Variants in GALK2 observed in about 807,000 individuals in gnomAD.
GALK2 encodes galactokinase 2, also known as N-acetylgalactosamine kinase.
In GALK2, 36 loss-of-function variants were observed where a neutral mutation model predicts 52.4. That is an observed-to-expected ratio of 0.69 (90% CI 0.53 to 0.91). The LOEUF (loss-of-function observed/expected upper bound fraction) is 0.91. Among genes scored for constraint, GALK2 ranks in the 40% least tolerant of loss-of-function variants. The probability of loss-of-function intolerance (pLI) is 0.00; values close to 1 mark genes in which losing one functional copy is unlikely to be tolerated. For missense variants in GALK2, 579 were observed against 559.1 expected (o/e 1.04, Z -0.36); for synonymous variants, 176 against 199.1 (o/e 0.88, Z 0.98).
intron 8 of GALK2, among the ~76,000 whole-genome samples, chr15:49,313,654 A>G (rs1289051467): frequency 6.6e-6 from 1 of 152,236 alleles, no homozygotes; most frequent in East Asian, 1.9e-4. Flanking sequence ...CTTAATGCAG[A>G]GGTTCTACTT....
Position 49,217,232 on chromosome 15 carries a change from C to G in GALK2, c.185C>G (p.Ala62Gly), listed in dbSNP as rs761389243. The G allele has an allele frequency of 6.8e-6, 11 of 1,611,054 alleles. No homozygotes were observed. Among genetic ancestry groups the G allele is most frequent in the Admixed American group, 1.7e-5 (1 of 59,990 alleles). ...TGTGGATATTCTGTTCTTCCTATGGCTGTAGAACAAGATGTGCTAATAGCT... is the reference window on the plus strand; with the variant it reads ...TGTGGATATTCTGTTCTTCCTATGGGTGTAGAACAAGATGTGCTAATAGCT... ...DYCGYSVLPMAVEQDVLIAVE... is the reference protein window; with the variant it reads ...DYCGYSVLPMGVEQDVLIAVE... Residue 62 changes from alanine (A) to glycine (G), a missense_variant, in exon 3 of 10, where the codon GCT becomes GGT. Ala to Gly is a moderately conservative substitution (Grantham distance 60). Coordinates refer to ENST00000560031, the MANE Select transcript of GALK2 (RefSeq NM_002044.4).
At chr15:49,230,954 T>C (rs1164639253) in intron 3 of GALK2, among the ~76,000 whole-genome samples, 2 of 151,980 alleles carry the variant, frequency 1.3e-5, no homozygotes, top group Admixed American at 1.3e-4. Context: ...AGAGGTGAGA[T>C]AGGGATGTGG....
chr15:49,328,884 GAGCT>G lies in GALK2; in HGVS notation c.*727_*730del. On this transcript the variant is annotated 3_prime_UTR_variant, in exon 10 of 10. Coordinates refer to ENST00000560031, the MANE Select transcript of GALK2 (RefSeq NM_002044.4). ...AACCACTTTCAATTCTTTTGGCCCT[GAGCT>G]ATCTCCATTACTTAATAGAAAAACT... 7.6e-7 allele frequency: 1 copy of G among 1,307,536 alleles called. No individual in the cohort carries two copies. The highest frequency in any genetic ancestry group is 1.5e-5 in the African/African-American group (1 of 67,736). 81.0% of individuals were successfully genotyped at this position (1,307,536 alleles called of 1,614,324 possible).
chr15:49,346,045 TTTG>T (rs1222844672), intron 3 of GALK2, among the ~76,000 whole-genome samples: 1 of 124,578 alleles, frequency 8.0e-6, no homozygotes, highest in East Asian at 2.1e-4. Context: ...GTCACTTGCT[TTTG>T]TTATTTTTTT....
At chr15:49,213,680 C>T (rs188254981) in intron 2 of GALK2, among the ~76,000 whole-genome samples, 124 of 152,050 alleles carry the variant, frequency 8.2e-4, no homozygotes, top group African/African-American at 2.6e-3. Context: ...CATTTATATT[C>T]GATGTTATAG....
intron 3 of GALK2, among the ~76,000 whole-genome samples, chr15:49,338,959 C>G (rs1021754177): frequency 3.3e-5 from 5 of 152,270 alleles, no homozygotes; most frequent in African/African-American, 1.2e-4. Flanking sequence ...AGTTCTCATG[C>G]TGTGTTTTTC....
chr15:49,321,125 A>C (rs4774538), intron 9 of GALK2, among the ~76,000 whole-genome samples: 38,233 of 152,186 alleles, frequency 0.25, 5,972 homozygotes, highest in Non-Finnish European at 0.35. Context: ...ATGAGAAGGA[A>C]TAGAGACTAC....
intron 3 of GALK2, chr15:49,367,455 G>A (rs1426105666): frequency 6.3e-7 from 1 of 1,577,164 alleles, no homozygotes. Flanking sequence ...TATGGTTCCT[G>A]GAATATCTTA....
chr15:49,204,398 C>A (rs1245166028), intron 2 of GALK2, among the ~76,000 whole-genome samples: 1 of 151,416 alleles, frequency 6.6e-6, no homozygotes, highest in Non-Finnish European at 1.5e-5. Flanking sequence ...TGGTATCATA[C>A]GAGGAATTGC....
At chr15:49,189,534 A>G (rs2086582931) in intron 1 of GALK2, among the ~76,000 whole-genome samples, 1 of 152,184 alleles carries the variant, frequency 6.6e-6, no homozygotes. Context: ...TAAATTAGGC[A>G]TAGCAAGAGA....
chr15:49,204,487 T>C (rs990095066), intron 2 of GALK2, among the ~76,000 whole-genome samples: 4 of 152,094 alleles, frequency 2.6e-5, no homozygotes, highest in African/African-American at 9.7e-5. Context: ...TCCCACTTTT[T>C]TGTATCCTCT....
intron 9 of GALK2, among the ~76,000 whole-genome samples, chr15:49,325,527 A>C (rs544294689): frequency 4.5e-4 from 68 of 152,326 alleles, no homozygotes; most frequent in African/African-American, 1.5e-3. Flanking sequence ...GTCTTCTCAG[A>C]ATTTCTATGG....
chr15:49,268,046 G>T (rs978086837), intron 5 of GALK2, among the ~76,000 whole-genome samples: 2 of 152,232 alleles, frequency 1.3e-5, no homozygotes, highest in Admixed American at 1.3e-4. Flanking sequence ...AATATGGTGG[G>T]TTAGCAGGGA....
chr15:49,160,472 A>AT (rs2084613139), intron 1 of GALK2, among the ~76,000 whole-genome samples: 1 of 152,068 alleles, frequency 6.6e-6, no homozygotes, highest in Non-Finnish European at 1.5e-5. Flanking sequence ...CTATACTTGT[A>AT]ACTTTACAAC....
In GALK2 at chr15:49,331,675, C is replaced by T; in HGVS notation, c.*3516C>T. ...AACAAGAATGTATCCTCTCCTGCCACTGTAATTTGGGTGTGCCACCATACA... is the reference window on the plus strand; with the variant it reads ...AACAAGAATGTATCCTCTCCTGCCATTGTAATTTGGGTGTGCCACCATACA... On this transcript the variant is annotated 3_prime_UTR_variant, in exon 10 of 10. Coordinates refer to ENST00000560031, the MANE Select transcript of GALK2 (RefSeq NM_002044.4). 2 of 711,498 alleles carry T rather than the reference C, an allele frequency of 2.8e-6. No individual in the cohort carries two copies. Among genetic ancestry groups the T allele is most frequent in the Non-Finnish European group, 5.1e-6 (2 of 394,532 alleles). 44.1% of individuals were successfully genotyped at this position (711,498 alleles called of 1,614,324 possible).
At chr15:49,211,300 GT>G (rs1377047085) in intron 2 of GALK2, among the ~76,000 whole-genome samples, 9 of 152,120 alleles carry the variant, frequency 5.9e-5, no homozygotes, top group Non-Finnish European at 1.2e-4. Context: ...TTCTCAAAAA[GT>G]TTTGTATTTT....
chr15:49,295,685 C>T (rs2034413197), intron 8 of GALK2, among the ~76,000 whole-genome samples: 1 of 152,164 alleles, frequency 6.6e-6, no homozygotes, highest in South Asian at 2.1e-4. Context: ...CTTGGTTGGA[C>T]CATTCCACTT....
At chr15:49,336,592 T>C (rs1186153502), downstream of GALK2, among the ~76,000 whole-genome samples, 2 of 152,246 alleles carry the variant, frequency 1.3e-5, no homozygotes, top group African/African-American at 4.8e-5. Flanking sequence ...AAACTTTATT[T>C]TCCATTTCAA....
intron 1 of GALK2, chr15:49,158,968 G>A (rs1485641338): frequency 6.6e-6 from 1 of 152,148 alleles, no homozygotes; most frequent in African/African-American, 2.4e-5. Flanking sequence ...TAGGACTTCA[G>A]GTACATGCCA....
Sources: gnomAD v4.1 joint callset for allele counts (sites outside exome capture counted in the v4.1 genomes callset) on GRCh38, gnomAD v4.1.1 for gene constraint, MANE v1.5 for transcripts, NCBI Gene and HGNC (gene_info 2026-07-23, HGNC 2026-07-21) for gene names.